ANXA8: variants seen among roughly 807,000 people sequenced by gnomAD.
ANXA8 encodes annexin A8, also known as VAC-beta.
In ANXA8, 9 loss-of-function variants were observed where a neutral mutation model predicts 26.8. The observed-to-expected ratio is 0.34, with a 90% CI of 0.20 to 0.59. The LOEUF is 0.59. Among genes scored for constraint, ANXA8 ranks in the 20% least tolerant of loss-of-function variants. ANXA8 has a pLI of 0.84. For synonymous variants in ANXA8, 39 were observed against 94.8 expected (o/e 0.41, Z 3.42); for missense variants, 83 against 238.5 (o/e 0.35, Z 4.29).
chr10:47,674,772 C>T, the ANXA8 span, among the ~76,000 whole-genome samples: 2 of 151,628 alleles, frequency 1.3e-5, no homozygotes, highest in East Asian at 3.9e-4. Context: ...TATTTTATAC[C>T]TTGGGTTAAA....
At chr10:47,695,641 C>T in the ANXA8 span, among the ~76,000 whole-genome samples, 3 of 151,612 alleles carry the variant, frequency 2.0e-5, no homozygotes, top group Non-Finnish European at 4.4e-5. Flanking sequence ...ATTTATACAT[C>T]CTTGGTTTTC....
the ANXA8 span, among the ~76,000 whole-genome samples, chr10:47,737,628 C>T: frequency 6.6e-6 from 1 of 151,302 alleles, no homozygotes; most frequent in Non-Finnish European, 1.5e-5. Context: ...TTTTCTCAGA[C>T]ATCTTTGCCC....
chr10:47,496,874 T>G, the ANXA8 span, among the ~76,000 whole-genome samples: 2 of 141,246 alleles, frequency 1.4e-5, no homozygotes, highest in African/African-American at 2.7e-5. Context: ...CATTGATAGT[T>G]CTTCTTACTG....
chr10:47,597,171 T>C, the ANXA8 span, among the ~76,000 whole-genome samples: 2 of 149,222 alleles, frequency 1.3e-5, no homozygotes, highest in African/African-American at 5.1e-5. Context: ...TAAGATTATC[T>C]CAACAGATGC....
the ANXA8 span, among the ~76,000 whole-genome samples, chr10:47,942,459 G>T: frequency 4.2e-5 from 6 of 141,346 alleles, 2 homozygotes; most frequent in East Asian, 1.3e-3. Context: ...TGAAGGGATG[G>T]CATTCTGTCT....
chr10:47,579,837 G>A, the ANXA8 span, among the ~76,000 whole-genome samples: 10 of 134,998 alleles, frequency 7.4e-5, 1 homozygote, highest in Admixed American at 2.3e-4. Context: ...TTTTATGTTC[G>A]TAAGAGAGTC....
the ANXA8 span, chr10:47,691,333 G>T: frequency 1.3e-6 from 1 of 763,202 alleles, no homozygotes; most frequent in Non-Finnish European, 2.0e-6. Context: ...TTAGTCATTT[G>T]CCTCTTCTGA....
the ANXA8 span, among the ~76,000 whole-genome samples, chr10:47,609,504 C>A: frequency 1.4e-5 from 1 of 73,206 alleles, no homozygotes. Context: ...TGGGTATGGT[C>A]TAAATGAATG....
In ANXA8 at chr10:47,484,067, G is replaced by C. The variant is rs1338475818; in HGVS notation, c.-134C>G. On this transcript the variant is annotated 5_prime_UTR_variant, in exon 1 of 12. Transcript: ENST00000585281. ...CACTTGGGTGTGGGGGTGCAAGCCCGCCCAGGGCAGCGCCACACCTGCCTG... is the reference window on the plus strand; with the variant it reads ...CACTTGGGTGTGGGGGTGCAAGCCCCCCCAGGGCAGCGCCACACCTGCCTG... 1 of 1,605,438 alleles carries C rather than the reference G, an allele frequency of 6.2e-7. No homozygotes were observed. Among genetic ancestry groups the C allele is most frequent in the East Asian group, 2.2e-5 (1 of 44,784 alleles).
intron 11 of ANXA8, among the ~76,000 whole-genome samples, chr10:47,470,171 G>A (rs1839285192): frequency 6.6e-6 from 1 of 151,848 alleles, no homozygotes; most frequent in Non-Finnish European, 1.5e-5. Context: ...TTTCAATGCA[G>A]GAGTTTTTAA....
chr10:47,484,092 G>A lies in ANXA8; in HGVS notation c.-159C>T, dbSNP rs1443716855. 4 of 1,586,002 alleles carry A rather than the reference G, an allele frequency of 2.5e-6. No homozygotes were observed. The highest frequency in any genetic ancestry group is 2.3e-4 in the Middle Eastern group (1 of 4,410). ...GCCCAGGGCAGCGCCACACCTGCCTGCCGTCCCCTCGCCCCCGGGCTCTGC... is the reference window on the plus strand; with the variant it reads ...GCCCAGGGCAGCGCCACACCTGCCTACCGTCCCCTCGCCCCCGGGCTCTGC... On this transcript the variant is annotated 5_prime_UTR_variant, in exon 1 of 12. Transcript: ENST00000585281.
the ANXA8 span, among the ~76,000 whole-genome samples, chr10:47,750,293 A>AT: frequency 6.9e-6 from 1 of 145,426 alleles, no homozygotes; most frequent in African/African-American, 2.6e-5. Flanking sequence ...AAAGTCTGTC[A>AT]TAAACATAGC....
At chr10:47,710,177 T>C in the ANXA8 span, 8 of 1,019,154 alleles carry the variant, frequency 7.8e-6, no homozygotes, top group Middle Eastern at 9.0e-4. Context: ...AAGAAAAATG[T>C]AATGTTGCCA....
chr10:47,699,121 C>T, the ANXA8 span, among the ~76,000 whole-genome samples: 33 of 151,594 alleles, frequency 2.2e-4, no homozygotes, highest in Middle Eastern at 3.4e-3. Flanking sequence ...CCAAGGTGGG[C>T]GGATCTCTTG....
At chr10:47,719,394 C>CAA in the ANXA8 span, among the ~76,000 whole-genome samples, 1 of 124,936 alleles carries the variant, frequency 8.0e-6, no homozygotes, top group African/African-American at 3.0e-5. Context: ...CTCCTGACCT[C>CAA]GTGATCTGCC....
the ANXA8 span, among the ~76,000 whole-genome samples, chr10:47,493,488 C>T: frequency 6.8e-6 from 1 of 146,912 alleles, no homozygotes; most frequent in Admixed American, 6.8e-5. Context: ...CCCCCACTCA[C>T]ACAAGGGTCC....
At chr10:47,522,221 A>AAG in the ANXA8 span, among the ~76,000 whole-genome samples, 2 of 141,862 alleles carry the variant, frequency 1.4e-5, no homozygotes, top group African/African-American at 5.3e-5. Flanking sequence ...TACACATTAA[A>AAG]AGTCTACGTT....
the ANXA8 span, among the ~76,000 whole-genome samples, chr10:47,620,684 AG>A: frequency 2.8e-5 from 3 of 107,698 alleles, 1 homozygote; most frequent in African/African-American, 1.1e-4. Flanking sequence ...AAGAAATTCA[AG>A]TAATAAAGAC....
chr10:47,693,611 G>A, the ANXA8 span, among the ~76,000 whole-genome samples: 45 of 151,628 alleles, frequency 3.0e-4, no homozygotes, highest in African/African-American at 5.3e-4. Flanking sequence ...TTTATAAAGA[G>A]GTAAACACAA....
Sources: gnomAD v4.1 joint callset for allele counts (sites outside exome capture counted in the v4.1 genomes callset) on GRCh38, gnomAD v4.1.1 for gene constraint, MANE v1.5 for transcripts, NCBI Gene and HGNC (gene_info 2026-07-23, HGNC 2026-07-21) for gene names.